The following RNF216 variants were observed in gnomAD, a reference collection of about 807,000 sequenced individuals.
RNF216 encodes ring finger protein 216.
RNF216 carries 72 observed loss-of-function variants against 110.8 expected under a neutral mutation model. That is an observed-to-expected ratio of 0.65 (90% CI 0.54 to 0.79). The LOEUF (loss-of-function observed/expected upper bound fraction) is 0.79, where lower values mean the gene tolerates loss of function less well. RNF216 is among the 30% of genes least tolerant of loss of function. The pLI is 0.00. For missense variants in RNF216, 1,342 were observed against 1,141.2 expected (o/e 1.18, Z -2.54); for synonymous variants, 495 against 407.5 (o/e 1.21, Z -2.59).
intron 5 of RNF216, among the ~76,000 whole-genome samples, chr7:5,736,643 C>A (rs1281638014): frequency 6.6e-6 from 1 of 151,798 alleles, no homozygotes; most frequent in African/African-American, 2.4e-5. Context: ...AGGAGCGCCT[C>A]TTCCCGGCCA....
chr7:5,694,433 C>T (rs1791506849), intron 13 of RNF216, among the ~76,000 whole-genome samples: 1 of 142,492 alleles, frequency 7.0e-6, no homozygotes, highest in African/African-American at 3.0e-5. Context: ...AACATTTGAC[C>T]TTGAAATCCC....
intron 3 of RNF216, among the ~76,000 whole-genome samples, chr7:5,746,101 C>T (rs1562455989): frequency 1.3e-5 from 2 of 152,150 alleles, no homozygotes. Flanking sequence ...AAACGGCTAA[C>T]TCCCTTTTTT....
chr7:5,759,331 G>A (rs1181386753), intron 2 of RNF216, among the ~76,000 whole-genome samples: 3 of 151,990 alleles, frequency 2.0e-5, no homozygotes, highest in East Asian at 1.9e-4. Context: ...AGTGGAGAAC[G>A]AACTAATACA....
intron 4 of RNF216, among the ~76,000 whole-genome samples, chr7:5,739,957 C>G (rs1297298420): frequency 1.3e-5 from 2 of 150,318 alleles, no homozygotes; most frequent in East Asian, 4.0e-4. Flanking sequence ...GAGCTGAGAT[C>G]GCACCACTGT....
At position 5,647,329 on chromosome 7, in the gene RNF216, T is replaced by TC. The variant is rs1491356397; in HGVS notation, c.2159+5083_2159+5084insG. Among the ~76,000 whole-genome samples, 8 of 21,188 alleles carry TC rather than the reference T, an allele frequency of 3.8e-4. No individual in the cohort carries two copies. The East Asian group carries it at 0.11, about 294-fold the overall frequency. 13.9% of individuals were successfully genotyped at this position (21,188 alleles called of 152,430 possible). On this transcript the variant is annotated intron_variant, in intron 14 of 16. Coordinates refer to ENST00000389902, the MANE Select transcript of RNF216 (RefSeq NM_207111.4). The stretch of plus-strand genomic sequence containing the variant: ...CTGAAACCTTCATTTTCTTTCTTTC[T>TC]TTTTTTTTTTTTTTTTTTTTTTGAG...
At chr7:5,750,714 G>A (rs1193793584) in intron 3 of RNF216, among the ~76,000 whole-genome samples, 1 of 152,164 alleles carries the variant, frequency 6.6e-6, no homozygotes, top group East Asian at 1.9e-4. Flanking sequence ...AACCACATTG[G>A]AGCAAGACTC....
At chr7:5,737,747 T>C (rs1299621872) in intron 5 of RNF216, among the ~76,000 whole-genome samples, 2 of 151,950 alleles carry the variant, frequency 1.3e-5, no homozygotes, top group Non-Finnish European at 2.9e-5. Flanking sequence ...AGAACTACAG[T>C]ATAAGATAGG....
intron 13 of RNF216, among the ~76,000 whole-genome samples, chr7:5,664,953 G>C (rs1584407068): frequency 6.6e-6 from 1 of 152,078 alleles, no homozygotes; most frequent in African/African-American, 2.4e-5. Context: ...CCCGCCACCA[G>C]GCCTGGCTAA....
intron 13 of RNF216, among the ~76,000 whole-genome samples, chr7:5,702,841 C>T (rs931094359): frequency 1.3e-5 from 2 of 152,282 alleles, no homozygotes; most frequent in South Asian, 2.1e-4. Context: ...CAGTACGTGA[C>T]GGAAGGGAGG....
Position 5,701,191 on chromosome 7 carries a change from C to T in RNF216, c.2061+10570G>A, listed in dbSNP as rs143340839. On this transcript the variant is annotated intron_variant, in intron 13 of 16. Coordinates refer to ENST00000389902, the MANE Select transcript of RNF216 (RefSeq NM_207111.4). ...TTGAATAACGTGGACTAAAGGAGAGCTGTCATTTCTTATAGAATGTATCAG... is the reference window on the plus strand; with the variant it reads ...TTGAATAACGTGGACTAAAGGAGAGTTGTCATTTCTTATAGAATGTATCAG... 2.7e-4 allele frequency among the ~76,000 whole-genome samples: 41 copies of T among 152,298 alleles called. No individual in the cohort carries two copies. In the East Asian group the frequency reaches 6.2e-3, roughly 23 times the overall value.
At chr7:5,685,839 T>C (rs947742441) in intron 13 of RNF216, among the ~76,000 whole-genome samples, 1 of 152,220 alleles carries the variant, frequency 6.6e-6, no homozygotes. Context: ...TTAAGAAGGC[T>C]GGACAAAAGC....
intron 14 of RNF216, among the ~76,000 whole-genome samples, chr7:5,641,590 A>C (rs143100355): frequency 2.4e-4 from 37 of 152,182 alleles, no homozygotes; most frequent in Non-Finnish European, 4.1e-4. Flanking sequence ...CTGGAGACTC[A>C]GTTTCCTCAT....
intron 15 of RNF216, among the ~76,000 whole-genome samples, chr7:5,626,693 GAAAA>G (rs1562767049): frequency 6.6e-6 from 1 of 151,612 alleles, no homozygotes; most frequent in Non-Finnish European, 1.5e-5. Context: ...AAGGAAGAAA[GAAAA>G]AAGAAAGAAA....
At chr7:5,770,265 C>G (rs889166117) in intron 1 of RNF216, among the ~76,000 whole-genome samples, 1 of 151,778 alleles carries the variant, frequency 6.6e-6, no homozygotes, top group African/African-American at 2.4e-5. Context: ...AGTTTGAGAC[C>G]AGCCTGACCA....
intron 14 of RNF216, among the ~76,000 whole-genome samples, chr7:5,651,882 C>T (rs1380240288): frequency 1.3e-5 from 2 of 152,054 alleles, no homozygotes; most frequent in East Asian, 1.9e-4. Context: ...CTCCTGACCT[C>T]GTGATCCGCC....
chr7:5,747,623 C>A (rs1795094242), intron 3 of RNF216, among the ~76,000 whole-genome samples: 1 of 151,696 alleles, frequency 6.6e-6, no homozygotes, highest in African/African-American at 2.4e-5. Flanking sequence ...CGGTGGCACA[C>A]ACCTGTAATC....
chr7:5,751,664 A>G (rs1200969221), intron 3 of RNF216, among the ~76,000 whole-genome samples: 2 of 152,208 alleles, frequency 1.3e-5, no homozygotes, highest in South Asian at 4.1e-4. Flanking sequence ...CAGCCTGACA[A>G]GAAAAGTAAC....
intron 15 of RNF216, among the ~76,000 whole-genome samples, chr7:5,625,415 T>C: frequency 6.6e-6 from 1 of 152,200 alleles, no homozygotes; most frequent in Non-Finnish European, 1.5e-5. Context: ...TGCTGTGGGT[T>C]GGAATATTAA....
rs186890335 is a variant in RNF216, at chr7:5,704,239, G to A, written c.2061+7522C>T. Among the ~76,000 whole-genome samples, 17 of 152,142 alleles carry A rather than the reference G, an allele frequency of 1.1e-4. No homozygotes were observed. The South Asian group carries it at 2.7e-3, about 24-fold the overall frequency. On this transcript the variant is annotated intron_variant, in intron 13 of 16. Coordinates refer to ENST00000389902, the MANE Select transcript of RNF216 (RefSeq NM_207111.4). ...ATATTAATACGTTTATATTAATGCC[G>A]TATTAATATAAACGCCTCATTTCAG...
Sources: gnomAD v4.1 joint callset for allele counts (sites outside exome capture counted in the v4.1 genomes callset) on GRCh38, gnomAD v4.1.1 for gene constraint, MANE v1.5 for transcripts, NCBI Gene and HGNC (gene_info 2026-07-23, HGNC 2026-07-21) for gene names.